ALG8: variants seen among roughly 807,000 people sequenced by gnomAD.
ALG8 encodes ALG8 alpha-1,3-glucosyltransferase, also known as dolichyl pyrophosphate Glc1Man9GlcNAc2 alpha-1,3-glucosyltransferase.
A neutral mutation model predicts 70.2 loss-of-function variants in ALG8; 48 were observed. That is an observed-to-expected ratio of 0.68 (90% CI 0.54 to 0.87). The LOEUF is 0.87. Ranked by LOEUF, ALG8 falls within the 40% of genes least tolerant of loss-of-function variation. The pLI, the probability that ALG8 is intolerant of heterozygous loss-of-function variation, is 0.00. For missense variants in ALG8, 572 were observed against 608.7 expected, an observed-to-expected ratio of 0.94 and a Z score of 0.64; for synonymous variants, 234 against 229.0, an observed-to-expected ratio of 1.02 and a Z score of -0.20.
chr11:78,101,816 G>A (rs898689701), intron 12 of ALG8, among the ~76,000 whole-genome samples: 5 of 152,082 alleles, frequency 3.3e-5, no homozygotes, highest in African/African-American at 9.7e-5. Context: ...ATAAGAACAT[G>A]AGAAACAATA....
chr11:78,125,123 C>T (rs953404375), intron 2 of ALG8, among the ~76,000 whole-genome samples: 8 of 151,764 alleles, frequency 5.3e-5, no homozygotes, highest in Non-Finnish European at 7.4e-5. Flanking sequence ...AGCTCCGCCT[C>T]CCGGGTTCAC....
chr11:78,107,322 G>A (rs1247448060), intron 9 of ALG8, among the ~76,000 whole-genome samples: 1 of 148,872 alleles, frequency 6.7e-6, no homozygotes, highest in Admixed American at 6.7e-5. Flanking sequence ...CTGGGTTCAA[G>A]CGATTTTCCT....
In ALG8 at chr11:78,114,790, GC is replaced by G. The variant is rs960007664; in HGVS notation, c.547-399del. 44 of 388,414 alleles carry G rather than the reference GC, an allele frequency of 1.1e-4. 1 individual carries two copies. The highest frequency in any genetic ancestry group is 8.9e-4 in the African/African-American group (42 of 47,112). The allele number at this position is 388,414 out of a possible 1,614,324, so 24.1% of individuals were successfully genotyped here. A position where few individuals can be genotyped will look rare whatever the true frequency, so the allele number is the denominator to read the frequency against. ...AGACCAGCCTGGACAAAATAGGGAG[GC>G]CCTGTCTCTACAAAAAAATAAAAAA... On this transcript the variant is annotated intron_variant, in intron 5 of 12. Transcript: ENST00000299626.
At chr11:78,139,255 C>T in intron 1 of ALG8, 2 of 558,768 alleles carry the variant, frequency 3.6e-6, no homozygotes, top group Admixed American at 3.1e-5. Context: ...GATGAGGACC[C>T]TGAGGTTCAG....
At chr11:78,115,834 G>C (rs1860537373) in intron 5 of ALG8, among the ~76,000 whole-genome samples, 1 of 152,198 alleles carries the variant, frequency 6.6e-6, no homozygotes, top group Non-Finnish European at 1.5e-5. Context: ...AGAGCCCAGA[G>C]AATTAAATTA....
At chr11:78,111,196 C>T (rs1019929677) in intron 8 of ALG8, among the ~76,000 whole-genome samples, 7 of 152,172 alleles carry the variant, frequency 4.6e-5, no homozygotes, top group African/African-American at 1.4e-4. Flanking sequence ...GCCCAGGGCT[C>T]TGCACTTACT....
chr11:78,139,536 G>T lies in ALG8; in HGVS notation c.53C>A (p.Ala18Glu). Residue 18 changes from alanine to glutamate, a missense_variant, in exon 1 of 13, where the codon GCG becomes GAG. By Grantham distance (107) the Ala-to-Glu change is moderately radical. Transcript: ENST00000299626. ...TGTGNWFSAL[A>E]LGVTLLKCLL... is the part of the protein sequence containing the mutation. The stretch of plus-strand genomic sequence containing the variant: ...GCATTTGAGAAGAGTCACCCCGAGC[G>T]CCAAAGCCGAAAACCAATTGCCAGT... The T allele has an allele frequency of 6.4e-7, 1 of 1,564,184 alleles. No homozygotes were observed. Among genetic ancestry groups the T allele is most frequent in the Non-Finnish European group, 8.7e-7 (1 of 1,153,810 alleles).
chr11:78,130,361 A>AAAAAAAAAAAAAAAAAAAAG (rs928560857), intron 1 of ALG8, among the ~76,000 whole-genome samples: 1 of 132,636 alleles, frequency 7.5e-6, no homozygotes, highest in African/African-American at 3.2e-5. Flanking sequence ...AAAAAAAAAA[A>AAAAAAAAAAAAAAAAAAAAG]AAAAAAGGTG....
At position 78,124,005 on chromosome 11, in the gene ALG8, C is replaced by T. The variant is rs777621990; in HGVS notation, c.368+16G>A. On this transcript the variant is annotated intron_variant, in intron 3 of 12. Transcript: ENST00000299626. ...TTTCAATACCTTCCATACAAAATGA[C>T]ATGCTCCAGACTTACTCACGGACAG... is the stretch of plus-strand genomic sequence containing the variant. 5.0e-6 allele frequency: 8 copies of T among 1,613,874 alleles called. No individual in the cohort carries two copies. In the Admixed American group the frequency reaches 5.0e-5, roughly 10 times the overall value.
chr11:78,121,285 T>C, intron 3 of ALG8, 111 bp from the exon 4 acceptor site: 1 of 765,434 alleles, frequency 1.3e-6, no homozygotes, highest in Non-Finnish European at 2.2e-6. Flanking sequence ...CTACATGCCA[T>C]TCTTTTTTTT....
At chr11:78,107,037 T>C in intron 9 of ALG8, 91 bp from the exon 10 acceptor site, 1 of 1,455,088 alleles carries the variant, frequency 6.9e-7, no homozygotes, top group South Asian at 1.2e-5. Flanking sequence ...GCATCATCTC[T>C]GAAAGACAGC....
In ALG8 at chr11:78,106,886, T is replaced by A; in HGVS notation, c.1099A>T (p.Thr367Ser). ...ATAAAGGAGCTCAAGGCACAAAGAGTTAGACATCGGAGAAAGCCTCTGGGC... is the reference window on the plus strand; with the variant it reads ...ATAAAGGAGCTCAAGGCACAAAGAGATAGACATCGGAGAAAGCCTCTGGGC... Reference protein sequence around the residue: ...QGPRGFLRCLTLCALSSFMFG... With the variant: ...QGPRGFLRCLSLCALSSFMFG... Residue 367 changes from threonine to serine, a missense_variant, in exon 10 of 13, where the codon ACT becomes TCT. Transcript: ENST00000299626. The A allele has an allele frequency of 1.9e-6, 3 of 1,613,904 alleles. No homozygotes were observed. Among genetic ancestry groups the A allele is most frequent in the Non-Finnish European group, 2.5e-6 (3 of 1,179,992 alleles).
intron 1 of ALG8, among the ~76,000 whole-genome samples, chr11:78,134,429 C>T (rs1307135824): frequency 2.0e-5 from 3 of 152,152 alleles, no homozygotes; most frequent in Non-Finnish European, 4.4e-5. Flanking sequence ...TGAGCCACTG[C>T]GCCTGGCAAG....
At chr11:78,116,286 G>A (rs1860562728) in intron 5 of ALG8, among the ~76,000 whole-genome samples, 1 of 152,112 alleles carries the variant, frequency 6.6e-6, no homozygotes, top group South Asian at 2.1e-4. Context: ...ACGTGAGGTG[G>A]AGGTTGCAGT....
chr11:78,103,637 G>A (rs682382), intron 12 of ALG8, among the ~76,000 whole-genome samples: 33,368 of 151,954 alleles, frequency 0.22, 4,512 homozygotes, highest in African/African-American at 0.38. Flanking sequence ...TCAAAAAAAC[G>A]AACAAAAAAA....
chr11:78,135,851 CATAA>C (rs1861522708), intron 1 of ALG8, among the ~76,000 whole-genome samples: 1 of 117,800 alleles, frequency 8.5e-6, no homozygotes, highest in African/African-American at 3.7e-5. Context: ...CCGTCTCAAA[CATAA>C]ATAAATAAGA....
chr11:78,125,119 G>A (rs1217867327), intron 2 of ALG8, among the ~76,000 whole-genome samples: 4 of 151,228 alleles, frequency 2.6e-5, no homozygotes, highest in Non-Finnish European at 5.9e-5. Context: ...TGTAAGCTCC[G>A]CCTCCCGGGT....
In ALG8 at chr11:78,104,005, T is replaced by A. The variant is rs867852599; in HGVS notation, c.1324A>T (p.Ile442Phe). 4 of 1,502,122 alleles carry A rather than the reference T, an allele frequency of 2.7e-6. No individual in the cohort carries two copies. The highest frequency in any genetic ancestry group is 1.4e-5 in the African/African-American group (1 of 72,670). 93.0% of individuals were successfully genotyped at this position (1,502,122 alleles called of 1,614,324 possible). A position where few individuals can be genotyped will look rare whatever the true frequency, so the allele number is the denominator to read the frequency against. The change falls in exon 12 of 13, where the codon ATT becomes TTT. Residue 442 changes from isoleucine to phenylalanine, a missense_variant. Coordinates refer to ENST00000299626, the MANE Select transcript of ALG8 (RefSeq NM_024079.5). ...LLMLLFTIYSISSLKTLFRKE... is the reference protein window; with the variant it reads ...LLMLLFTIYSFSSLKTLFRKE... ...CTGAATAAAGTCTTCAGTGACGAAA[T>A]ACTATATATGGTGAATAGTAACATG...
At chr11:78,101,785 G>T (rs1859806701) in intron 12 of ALG8, among the ~76,000 whole-genome samples, 1 of 152,130 alleles carries the variant, frequency 6.6e-6, no homozygotes, top group African/African-American at 2.4e-5. Flanking sequence ...AGGTAAAGGG[G>T]TTGGGTGCTG....
Sources: allele counts gnomAD v4.1 joint callset (sites outside exome capture counted in the v4.1 genomes callset), GRCh38; gene constraint gnomAD v4.1.1; transcripts MANE v1.5; gene names NCBI Gene and HGNC (gene_info 2026-07-23, HGNC 2026-07-21).